Variants in TMEM123 observed in about 807,000 individuals in gnomAD.
TMEM123 encodes the protein porimin.
Under a neutral mutation model 19.7 loss-of-function variants are expected in TMEM123, and 16 were observed. The observed-to-expected ratio is 0.81, with a 90% CI of 0.55 to 1.23. TMEM123 has a LOEUF of 1.23. Among genes scored for constraint, TMEM123 ranks in the 50% most tolerant of loss-of-function variants. TMEM123 has a pLI of 0.00. For missense variants in TMEM123, 313 were observed against 257.8 expected, an observed-to-expected ratio of 1.21 and a Z score of -1.47; for synonymous variants, 118 against 99.4, an observed-to-expected ratio of 1.19 and a Z score of -1.12.
chr11:102,410,071 T>TC (rs1427779412), intron 2 of TMEM123, among the ~76,000 whole-genome samples: 1 of 152,132 alleles, frequency 6.6e-6, no homozygotes, highest in Non-Finnish European at 1.5e-5. Flanking sequence ...AACTAGGGAT[T>TC]CCAATAAGTT....
chr11:102,406,201 C>T (rs944011384), intron 2 of TMEM123, among the ~76,000 whole-genome samples: 5 of 152,262 alleles, frequency 3.3e-5, no homozygotes, highest in South Asian at 2.1e-4. Context: ...CTCCAGCCTC[C>T]GATAAGCTAA....
intron 2 of TMEM123, among the ~76,000 whole-genome samples, chr11:102,441,775 A>G (rs1485804204): frequency 3.3e-5 from 5 of 152,152 alleles, no homozygotes; most frequent in African/African-American, 1.2e-4. Flanking sequence ...GGCTTTTTGA[A>G]AAGATCAACA....
chr11:102,405,096 TG>T (rs1373375787), intron 2 of TMEM123, among the ~76,000 whole-genome samples: 1 of 151,684 alleles, frequency 6.6e-6, no homozygotes, highest in East Asian at 1.9e-4. Context: ...TTGCCCAGGC[TG>T]GAGTGCAGTG....
At chr11:102,412,089 T>C (rs541184470) in intron 2 of TMEM123, among the ~76,000 whole-genome samples, 1 of 152,340 alleles carries the variant, frequency 6.6e-6, no homozygotes, top group South Asian at 2.1e-4. Context: ...TGCGAAATTC[T>C]ACTCATGTTC....
intron 2 of TMEM123, among the ~76,000 whole-genome samples, chr11:102,414,094 A>G (rs1220687626): frequency 3.3e-5 from 5 of 152,228 alleles, no homozygotes; most frequent in African/African-American, 9.6e-5. Flanking sequence ...ATCTGAGGAA[A>G]GAGACTCAGA....
chr11:102,438,760 C>T (rs913550951), intron 2 of TMEM123, among the ~76,000 whole-genome samples: 3 of 152,306 alleles, frequency 2.0e-5, no homozygotes, highest in Non-Finnish European at 4.4e-5. Context: ...GGCTGCAGCC[C>T]ACAGAGCGTA....
In TMEM123 at chr11:102,398,429, T is replaced by G; in HGVS notation, c.*438A>C. Reference sequence around the variant, plus strand: ...CTGTGTGGCATTAGTAATTAAGATATATCCAGCTCTGAAAAGCACTGAAGT... The same window carrying G: ...CTGTGTGGCATTAGTAATTAAGATAGATCCAGCTCTGAAAAGCACTGAAGT... On this transcript the variant is annotated 3_prime_UTR_variant, in exon 5 of 5. Transcript: ENST00000398136. 2.5e-6 allele frequency: 1 copy of G among 398,356 alleles called. No homozygotes were observed. Among genetic ancestry groups the G allele is most frequent in the African/African-American group, 2.1e-5 (1 of 48,748 alleles). The allele number at this position is 398,356 out of a possible 1,614,324, so 24.7% of individuals were successfully genotyped here. A position where few individuals can be genotyped will look rare whatever the true frequency, so the allele number is the denominator to read the frequency against.
intron 4 of TMEM123, among the ~76,000 whole-genome samples, chr11:102,400,682 TCGTGA>T (rs1951904997): frequency 6.6e-6 from 1 of 152,216 alleles, no homozygotes; most frequent in Non-Finnish European, 1.5e-5. Context: ...GGTGGAACCC[TCGTGA>T]ACAGAATTAA....
At position 102,425,204 on chromosome 11, in the gene TMEM123, T is replaced by G. The variant is rs573442013; in HGVS notation, c.158-22998A>C. ...CACAGTCATCTTCTGTGTAGCTCTT[T>G]TTTCATCTCTAAAATAGCTAAAATA... On this transcript the variant is annotated intron_variant, in intron 2 of 4. Coordinates refer to ENST00000398136, the MANE Select transcript of TMEM123 (RefSeq NM_052932.3). Among the ~76,000 whole-genome samples the G allele has an allele frequency of 2.6e-5, 4 of 152,320 alleles. No individual in the cohort carries two copies. The East Asian group carries it at 7.7e-4, about 29-fold the overall frequency.
chr11:102,417,622 C>T (rs1036173565), intron 2 of TMEM123, among the ~76,000 whole-genome samples: 9 of 151,966 alleles, frequency 5.9e-5, no homozygotes, highest in East Asian at 1.9e-4. Flanking sequence ...ATCAAACCAC[C>T]GTAAGTGGAA....
intron 2 of TMEM123, among the ~76,000 whole-genome samples, chr11:102,407,702 C>G (rs1291283413): frequency 2.0e-5 from 3 of 152,122 alleles, no homozygotes; most frequent in African/African-American, 7.2e-5. Flanking sequence ...CTCTACAAGC[C>G]AGGGAATGCC....
chr11:102,443,613 T>C (rs928634748), intron 2 of TMEM123, among the ~76,000 whole-genome samples: 1 of 151,978 alleles, frequency 6.6e-6, no homozygotes, highest in Non-Finnish European at 1.5e-5. Flanking sequence ...ACCTAAGCAA[T>C]ACCATTCAGG....
intron 2 of TMEM123, among the ~76,000 whole-genome samples, chr11:102,443,590 A>C (rs1467479014): frequency 6.6e-6 from 1 of 152,200 alleles, no homozygotes; most frequent in Non-Finnish European, 1.5e-5. Flanking sequence ...AACCATAAAA[A>C]CCCTAGAAGA....
At chr11:102,413,225 T>A (rs1483191974) in intron 2 of TMEM123, among the ~76,000 whole-genome samples, 2 of 152,238 alleles carry the variant, frequency 1.3e-5, no homozygotes, top group Admixed American at 6.5e-5. Flanking sequence ...TCCTCTTAAA[T>A]GTGAGACTTA....
At position 102,452,649 on chromosome 11, in the gene TMEM123, C is replaced by CA. The variant is rs1268275933; in HGVS notation, c.-27_-26insT. The CA allele has an allele frequency of 6.9e-7, 1 of 1,456,908 alleles. No individual in the cohort carries two copies. Among genetic ancestry groups the CA allele is most frequent in the Non-Finnish European group, 9.1e-7 (1 of 1,098,996 alleles). 90.2% of individuals were successfully genotyped at this position (1,456,908 alleles called of 1,614,324 possible). On this transcript the variant is annotated 5_prime_UTR_variant, in exon 1 of 5. The change creates a new upstream start codon in the 5' untranslated region. Transcript: ENST00000398136. ...TGTTCCGAGGGCAGGATGCGGCAGC[C>CA]TCGTGGGCTCCCAGCCGAGGTGGCG...
chr11:102,434,875 T>C (rs945926413), intron 2 of TMEM123, among the ~76,000 whole-genome samples: 6 of 151,938 alleles, frequency 3.9e-5, no homozygotes, highest in Non-Finnish European at 7.4e-5. Flanking sequence ...TTCTTGCACT[T>C]TTGTCTGAAA....
chr11:102,403,079 C>T (rs938298804), intron 2 of TMEM123, among the ~76,000 whole-genome samples: 1 of 152,126 alleles, frequency 6.6e-6, no homozygotes, highest in African/African-American at 2.4e-5. Flanking sequence ...GTCAAGATCT[C>T]GGCTCAATGC....
At position 102,397,046 on chromosome 11, in the gene TMEM123, G is replaced by C. The variant is rs1046790423; in HGVS notation, c.*1821C>G. 6.6e-6 allele frequency: 1 copy of C among 151,926 alleles called. No homozygotes were observed. Among genetic ancestry groups the C allele is most frequent in the Non-Finnish European group, 1.5e-5 (1 of 67,992 alleles). The allele number at this position is 151,926 out of a possible 1,614,324, so 9.4% of individuals were successfully genotyped here. On this transcript the variant is annotated 3_prime_UTR_variant, in exon 5 of 5. Coordinates refer to ENST00000398136, the MANE Select transcript of TMEM123 (RefSeq NM_052932.3). ...AAGCAATGGTTGCACAACCAGTCAG[G>C]GCCAAGTTAGTAACATACAACTCAG...
chr11:102,450,965 A>G (rs996023107), intron 1 of TMEM123, among the ~76,000 whole-genome samples: 1 of 152,238 alleles, frequency 6.6e-6, no homozygotes, highest in Non-Finnish European at 1.5e-5. Context: ...CTTCTATTGT[A>G]TACCTTTTAG....
Sources: allele counts gnomAD v4.1 joint callset (sites outside exome capture counted in the v4.1 genomes callset), GRCh38; gene constraint gnomAD v4.1.1; transcripts MANE v1.5; gene names NCBI Gene and HGNC (gene_info 2026-07-23, HGNC 2026-07-21).